SORCS1: variants seen among roughly 807,000 people sequenced by gnomAD.
The protein encoded by SORCS1 is VPS10 domain-containing receptor SorCS1.
In SORCS1, 60 loss-of-function variants were observed where a neutral mutation model predicts 146.1. That is an observed-to-expected ratio of 0.41 (90% CI 0.33 to 0.51). The LOEUF (loss-of-function observed/expected upper bound fraction) is 0.51. SORCS1 is among the 20% of genes least tolerant of loss of function. SORCS1 has a pLI of 0.21. For synonymous variants in SORCS1, 637 were observed against 584.0 expected, an observed-to-expected ratio of 1.09 and a Z score of -1.31; for missense variants, 1,352 against 1,487.6, an observed-to-expected ratio of 0.91 and a Z score of 1.50.
At chr10:106,927,430 T>TGTTA (rs1235888115) in intron 2 of SORCS1, among the ~76,000 whole-genome samples, 8 of 151,786 alleles carry the variant, frequency 5.3e-5, no homozygotes, top group Admixed American at 5.3e-4. Flanking sequence ...TGGCGGTGAG[T>TGTTA]GTTACAGCTC....
chr10:107,082,606 A>G (rs566952922), intron 1 of SORCS1, among the ~76,000 whole-genome samples: 1 of 151,972 alleles, frequency 6.6e-6, no homozygotes, highest in South Asian at 2.1e-4. Flanking sequence ...CTCAGCCTCC[A>G]AAGTAGCTGG....
intron 18 of SORCS1, among the ~76,000 whole-genome samples, chr10:106,641,834 T>C (rs912146056): frequency 1.3e-5 from 2 of 152,118 alleles, no homozygotes; most frequent in African/African-American, 4.8e-5. Flanking sequence ...ATCTTTTTTA[T>C]TTCCAATGGA....
At chr10:106,612,637 C>T (rs1847084352) in intron 21 of SORCS1, among the ~76,000 whole-genome samples, 1 of 151,956 alleles carries the variant, frequency 6.6e-6, no homozygotes, top group African/African-American at 2.4e-5. Flanking sequence ...AGGGCAAGAA[C>T]AGGGCAGGGA....
intron 1 of SORCS1, among the ~76,000 whole-genome samples, chr10:106,958,178 T>C (rs901602038): frequency 6.6e-6 from 1 of 152,222 alleles, no homozygotes; most frequent in African/African-American, 2.4e-5. Context: ...TCTCCACCTT[T>C]TACTTGCTCT....
intron 2 of SORCS1, among the ~76,000 whole-genome samples, chr10:106,927,671 A>G (rs1953133469): frequency 6.6e-6 from 1 of 152,142 alleles, no homozygotes; most frequent in East Asian, 1.9e-4. Flanking sequence ...GCTAGACACA[A>G]AGGTTCTCCA....
At chr10:107,100,824 G>T (rs1387788972) in intron 1 of SORCS1, among the ~76,000 whole-genome samples, 1 of 152,106 alleles carries the variant, frequency 6.6e-6, no homozygotes, top group Non-Finnish European at 1.5e-5. Flanking sequence ...GATTCTTAAT[G>T]TTACTTTACA....
At chr10:107,116,322 T>C (rs1276447179) in intron 1 of SORCS1, among the ~76,000 whole-genome samples, 7 of 152,146 alleles carry the variant, frequency 4.6e-5, no homozygotes, top group Admixed American at 6.5e-5. Flanking sequence ...TCCATATTCA[T>C]TGCAGCATTA....
At position 107,083,827 on chromosome 10, in the gene SORCS1, A is replaced by G. The variant is rs966387215; in HGVS notation, c.558+80142T>C. On this transcript the variant is annotated intron_variant, in intron 1 of 25. Coordinates refer to ENST00000263054, the MANE Select transcript of SORCS1 (RefSeq NM_052918.5). ...GTGGGATGACTCACGCTAATCTACT[A>G]TGATTCTGACTGGAATGGGGTTATA... Among the ~76,000 whole-genome samples, 3 of 152,154 alleles carry G rather than the reference A, an allele frequency of 2.0e-5. No homozygotes were observed. In the South Asian group the frequency reaches 6.2e-4, roughly 32 times the overall value.
intron 1 of SORCS1, among the ~76,000 whole-genome samples, chr10:107,033,128 T>A (rs1958741007): frequency 6.6e-6 from 1 of 152,136 alleles, no homozygotes; most frequent in Non-Finnish European, 1.5e-5. Flanking sequence ...ACAATCATGG[T>A]GGAAGGCAAA....
At chr10:107,006,966 TC>T (rs565492183) in intron 1 of SORCS1, among the ~76,000 whole-genome samples, 1 of 152,356 alleles carries the variant, frequency 6.6e-6, no homozygotes, top group South Asian at 2.1e-4. Flanking sequence ...ATCTTAACAT[TC>T]CAGAGACGAA....
chr10:106,735,236 C>A (rs1554915158), intron 5 of SORCS1, among the ~76,000 whole-genome samples: 1 of 151,220 alleles, frequency 6.6e-6, no homozygotes, highest in Non-Finnish European at 1.5e-5. Flanking sequence ...AGTCAATAGA[C>A]AAAAAATGAG....
intron 5 of SORCS1, among the ~76,000 whole-genome samples, chr10:106,736,366 G>A (rs2136063683): frequency 6.6e-6 from 1 of 152,184 alleles, no homozygotes; most frequent in Admixed American, 6.5e-5. Flanking sequence ...AAACGAGGAG[G>A]GACCTGCAGA....
chr10:106,823,231 G>A (rs1227063062), intron 3 of SORCS1, among the ~76,000 whole-genome samples: 4 of 152,150 alleles, frequency 2.6e-5, no homozygotes, highest in African/African-American at 4.8e-5. Flanking sequence ...CCCCTTTGAT[G>A]TATTATACAA....
At chr10:106,865,448 G>A (rs1950192988) in intron 2 of SORCS1, among the ~76,000 whole-genome samples, 1 of 152,188 alleles carries the variant, frequency 6.6e-6, no homozygotes, top group South Asian at 2.1e-4. Flanking sequence ...ACTGGGCCAG[G>A]CATGGTGGCT....
intron 2 of SORCS1, among the ~76,000 whole-genome samples, chr10:106,916,575 T>TACAC (rs59313831): frequency 0.21 from 29,523 of 142,598 alleles, 3,248 homozygotes; most frequent in Non-Finnish European, 0.25. Flanking sequence ...TGCATATATA[T>TACAC]ACACACACAC....
At chr10:106,644,779 C>T (rs1849301114) in intron 18 of SORCS1, among the ~76,000 whole-genome samples, 2 of 152,046 alleles carry the variant, frequency 1.3e-5, no homozygotes, top group Admixed American at 1.3e-4. Flanking sequence ...GACATTTATC[C>T]AAGTTTTTTG....
At chr10:106,587,533 C>T (rs951600658) in intron 24 of SORCS1, among the ~76,000 whole-genome samples, 4 of 152,234 alleles carry the variant, frequency 2.6e-5, no homozygotes, top group Non-Finnish European at 5.9e-5. Context: ...TGATGTATCA[C>T]GACCTAGGTC....
intron 2 of SORCS1, among the ~76,000 whole-genome samples, chr10:106,901,359 T>C (rs973172442): frequency 2.0e-5 from 3 of 152,210 alleles, no homozygotes; most frequent in Non-Finnish European, 4.4e-5. Context: ...CAGAAATTTA[T>C]CTACAACATA....
intron 1 of SORCS1, among the ~76,000 whole-genome samples, chr10:107,018,205 C>A (rs2149200): frequency 0.37 from 56,334 of 151,602 alleles, 11,687 homozygotes; most frequent in East Asian, 0.65. Flanking sequence ...GACGGAGTCC[C>A]GCTCCGTCGC....
Sources: gnomAD v4.1 joint callset for allele counts (sites outside exome capture counted in the v4.1 genomes callset) on GRCh38, gnomAD v4.1.1 for gene constraint, MANE v1.5 for transcripts, NCBI Gene and HGNC (gene_info 2026-07-23, HGNC 2026-07-21) for gene names.